Variants in AKAP13 observed in about 807,000 individuals in gnomAD.
AKAP13 encodes the protein A-kinase anchoring protein 13.
A neutral mutation model predicts 264.5 loss-of-function variants in AKAP13; 80 were observed. The ratio of observed to expected loss-of-function variants is 0.30; its 90% CI spans 0.25 to 0.36. The LOEUF is 0.36. AKAP13 is among the 10% of genes least tolerant of loss of function. AKAP13 has a pLI of 1.00. For missense variants in AKAP13, 3,712 were observed against 3,435.2 expected (o/e 1.08, Z -2.01); for synonymous variants, 1,380 against 1,250.2 (o/e 1.10, Z -2.19).
At chr15:85,603,903 A>G in intron 8 of AKAP13, among the ~76,000 whole-genome samples, 1 of 152,258 alleles carries the variant, frequency 6.6e-6, no homozygotes, top group South Asian at 2.1e-4. Flanking sequence ...TGCCTCACTA[A>G]GTACTGCACT....
chr15:85,730,601 T>G lies in AKAP13; in HGVS notation c.7176T>G (p.Pro2392=). The G allele has an allele frequency of 6.2e-7, 1 of 1,614,106 alleles. No homozygotes were observed. Residue 2392 remains proline, a synonymous_variant, in exon 30 of 37, where the codon CCT becomes CCG. Coordinates refer to ENST00000394518, the MANE Select transcript of AKAP13 (RefSeq NM_007200.5). ...GGGACATGGCTGAGTGCAGCACCCCTCTCCCAGAGGATTGCTCCCCAACAC... is the reference window on the plus strand; with the variant it reads ...GGGACATGGCTGAGTGCAGCACCCCGCTCCCAGAGGATTGCTCCCCAACAC... ...IFRDMAECST[P]LPEDCSPTHS... is the part of the protein sequence containing the mutation.
intron 30 of AKAP13, among the ~76,000 whole-genome samples, chr15:85,731,501 T>G (rs1234700805): frequency 6.6e-6 from 1 of 152,212 alleles, no homozygotes; most frequent in East Asian, 1.9e-4. Context: ...AGTTTGGATT[T>G]TATTCATACA....
intron 1 of AKAP13, among the ~76,000 whole-genome samples, chr15:85,387,059 G>C (rs185820131): frequency 4.1e-4 from 62 of 152,124 alleles, no homozygotes; most frequent in African/African-American, 1.3e-3. Flanking sequence ...GTCTCAGCCG[G>C]GTGTGGTGGC....
rs750956417 is a variant in AKAP13, at chr15:85,693,278, A to G, written c.5291A>G (p.Glu1764Gly). ...NKMSSSKKSK[E>G]KEKEKDKIKE... ...GGATTATTTTCTTTTCTTCGGCAGG[A>G]AAAGGAAAAAGAAAAAGATAAGATT... The change falls in exon 17 of 37, where the codon GAA (glutamate) becomes GGA (glycine). Residue 1764 changes from glutamate to glycine, a missense_variant and splice_region_variant. Physicochemically the swap from Glu to Gly is moderately conservative, Grantham distance 98. This residue lies in a region of AKAP13 where 2,759 missense variants were observed against 2,411.7 expected (regional missense o/e 1.14). Transcript: ENST00000394518. 1.9e-6 allele frequency: 3 copies of G among 1,591,166 alleles called. No homozygotes were observed. Among genetic ancestry groups the G allele is most frequent in the African/African-American group, 1.4e-5 (1 of 73,248 alleles).
intron 1 of AKAP13, among the ~76,000 whole-genome samples, chr15:85,399,508 A>T (rs867597231): frequency 1.0e-4 from 6 of 60,062 alleles, no homozygotes; most frequent in Middle Eastern, 8.1e-3. Context: ...GTCTCAAAAA[A>T]AAAAAAAAAA....
In AKAP13 at chr15:85,581,502, A is replaced by G. The variant is rs1457493065; in HGVS notation, c.3434A>G (p.Gln1145Arg). The G allele has an allele frequency of 1.1e-5, 18 of 1,614,226 alleles. No homozygotes were observed. The South Asian group carries it at 1.6e-4, about 15-fold the overall frequency. ...ALQDKAVTDP[Q>R]GVGTPEMIPL... ...CAGGACAAAGCTGTGACTGACCCAC[A>G]GGGAGTTGGAACCCCAGAGATGATA... Residue 1145 changes from glutamine to arginine, a missense_variant, in exon 7 of 37, where the codon CAG becomes CGG. This residue lies in a region of AKAP13 where 2,759 missense variants were observed against 2,411.7 expected (regional missense o/e 1.14). Coordinates refer to ENST00000394518, the MANE Select transcript of AKAP13 (RefSeq NM_007200.5).
At chr15:85,516,288 A>T (rs939095534) in intron 2 of AKAP13, among the ~76,000 whole-genome samples, 1 of 152,212 alleles carries the variant, frequency 6.6e-6, no homozygotes, top group Non-Finnish European at 1.5e-5. Flanking sequence ...CTTATGAGAT[A>T]AGGTTGATGA....
Position 85,544,040 on chromosome 15 carries a change from A to T in AKAP13, c.662+85A>T, listed in dbSNP as rs751823426. The stretch of plus-strand genomic sequence containing the variant: ...AGGAGTACCACCCACTTGGCATCTC[A>T]TTGTGTGTTTGCCGCAAATTAAAAC... On this transcript the variant is annotated intron_variant, in intron 5 of 36. Transcript: ENST00000394518. 4 of 1,512,454 alleles carry T rather than the reference A, an allele frequency of 2.6e-6. 1 individual carries two copies. The highest frequency in any genetic ancestry group is 1.8e-6 in the Non-Finnish European group (2 of 1,094,776). 93.7% of individuals were successfully genotyped at this position (1,512,454 alleles called of 1,614,324 possible).
intron 1 of AKAP13, among the ~76,000 whole-genome samples, chr15:85,404,652 T>G (rs2071583245): frequency 6.6e-6 from 1 of 152,194 alleles, no homozygotes; most frequent in Admixed American, 6.5e-5. Context: ...TCTCAAGCAT[T>G]TCTGGCACAC....
chr15:85,416,219 C>A (rs1002342514), intron 1 of AKAP13, among the ~76,000 whole-genome samples: 30 of 152,142 alleles, frequency 2.0e-4, no homozygotes, highest in African/African-American at 6.3e-4. Context: ...TACCTCTATT[C>A]ATTGTGCAGT....
Position 85,584,665 on chromosome 15 carries a change from A to G in AKAP13, c.4040-1037A>G, listed in dbSNP as rs1040912556. Among the ~76,000 whole-genome samples, 8 of 152,268 alleles carry G rather than the reference A, an allele frequency of 5.3e-5. No homozygotes were observed. In the East Asian group the frequency reaches 5.8e-4, roughly 11 times the overall value. On this transcript the variant is annotated intron_variant, in intron 7 of 36. Transcript: ENST00000394518. ...AAGAAGGAAGAAAAGAGGTTCATCT[A>G]TAGAAATGTAACTCTTACAAATTTA...
At chr15:85,612,356 A>G (rs1402480420) in intron 8 of AKAP13, among the ~76,000 whole-genome samples, 1 of 152,212 alleles carries the variant, frequency 6.6e-6, no homozygotes, top group Non-Finnish European at 1.5e-5. Flanking sequence ...ATTACCTCAT[A>G]ATAAATACTT....
At chr15:85,447,289 GTTA>G (rs35609212) in intron 1 of AKAP13, among the ~76,000 whole-genome samples, 37,863 of 151,610 alleles carry the variant, frequency 0.25, 6,298 homozygotes, top group Non-Finnish European at 0.37. Flanking sequence ...AAATAAATCT[GTTA>G]TTATTATTAT....
intron 21 of AKAP13, among the ~76,000 whole-genome samples, chr15:85,717,624 T>C (rs1230554338): frequency 6.6e-6 from 1 of 152,238 alleles, no homozygotes; most frequent in Non-Finnish European, 1.5e-5. Context: ...GATGTGGGCC[T>C]ACTCTTTAGT....
chr15:85,741,300 G>C lies in AKAP13; in HGVS notation c.7863G>C (p.Gln2621His). The change falls in exon 35 of 37, where the codon CAG becomes CAC. Residue 2621 changes from glutamine to histidine, a missense_variant. Transcript: ENST00000394518. ...ELREREALLAQREEEVQQGQQ... is the reference protein window; with the variant it reads ...ELREREALLAHREEEVQQGQQ... ...GGGAGCGGGAGGCCCTCCTGGCCCA[G>C]CGCGAGGAGGAGGTGCAGCAGGGGC... 1 of 1,611,744 alleles carries C rather than the reference G, an allele frequency of 6.2e-7. No individual in the cohort carries two copies. Among genetic ancestry groups the C allele is most frequent in the Non-Finnish European group, 8.5e-7 (1 of 1,179,060 alleles).
chr15:85,427,070 C>G (rs961636672), intron 1 of AKAP13, among the ~76,000 whole-genome samples: 2 of 151,696 alleles, frequency 1.3e-5, no homozygotes, highest in African/African-American at 2.4e-5. Context: ...ATTCTCCTGC[C>G]TCAGCCTCCC....
intron 1 of AKAP13, among the ~76,000 whole-genome samples, chr15:85,477,457 C>T (rs911138092): frequency 2.4e-4 from 36 of 151,936 alleles, no homozygotes; most frequent in Non-Finnish European, 4.3e-4. Flanking sequence ...TGCTGCACCT[C>T]AGGGAAGTCA....
At chr15:85,544,080 T>G in intron 5 of AKAP13, 125 bp downstream of exon 5, 1 of 1,105,732 alleles carries the variant, frequency 9.0e-7, no homozygotes, top group Non-Finnish European at 1.3e-6. Flanking sequence ...GCTCTGTATC[T>G]TGCCTTCTGC....
intron 4 of AKAP13, among the ~76,000 whole-genome samples, chr15:85,540,349 T>C (rs1416323357): frequency 6.6e-6 from 1 of 152,136 alleles, no homozygotes; most frequent in African/African-American, 2.4e-5. Context: ...GCCCACATAA[T>C]CCAGGATAAC....
Sources: allele counts gnomAD v4.1 joint callset (sites outside exome capture counted in the v4.1 genomes callset), GRCh38; gene constraint gnomAD v4.1.1; regional missense constraint gnomAD v4.1.1; transcripts MANE v1.5; gene names NCBI Gene and HGNC (gene_info 2026-07-23, HGNC 2026-07-21).